The following RASAL2 variants were observed in gnomAD, a reference collection of about 807,000 sequenced individuals.
The protein encoded by RASAL2 is ras GTPase-activating protein nGAP.
RASAL2 carries 58 observed loss-of-function variants against 128.9 expected under a neutral mutation model. The ratio of observed to expected loss-of-function variants is 0.45; its 90% confidence interval spans 0.36 to 0.56. The LOEUF (loss-of-function observed/expected upper bound fraction) is 0.56, where lower values mean the gene tolerates loss of function less well. RASAL2 is among the 20% of genes least tolerant of loss of function. The probability of loss-of-function intolerance (pLI) is 0.00; values close to 1 mark genes in which losing one functional copy is unlikely to be tolerated. For synonymous variants in RASAL2, 561 were observed against 580.8 expected (o/e 0.97, Z 0.49); for missense variants, 1,360 against 1,601.6 (o/e 0.85, Z 2.57).
intron 1 of RASAL2, among the ~76,000 whole-genome samples, chr1:178,207,925 C>T (rs563266686): frequency 2.0e-5 from 3 of 152,314 alleles, no homozygotes; most frequent in South Asian, 2.1e-4. Flanking sequence ...GGACCCCAAA[C>T]GGACTGGCTG....
intron 1 of RASAL2, among the ~76,000 whole-genome samples, chr1:178,164,305 CAT>C (rs1661436558): frequency 6.6e-6 from 1 of 152,084 alleles, no homozygotes; most frequent in Admixed American, 6.6e-5. Context: ...CCAATTATAA[CAT>C]GTTATTTCCA....
intron 2 of RASAL2, among the ~76,000 whole-genome samples, chr1:178,284,489 G>A (rs552666470): frequency 6.6e-6 from 1 of 152,210 alleles, no homozygotes; most frequent in Non-Finnish European, 1.5e-5. Context: ...TAGATCTGGC[G>A]AGGTAGACAG....
At chr1:178,113,242 T>C (rs974741368) in intron 1 of RASAL2, among the ~76,000 whole-genome samples, 2 of 152,162 alleles carry the variant, frequency 1.3e-5, no homozygotes, top group South Asian at 2.1e-4. Context: ...TTGATTACTA[T>C]AGATTAATGA....
chr1:178,410,672 A>G (rs1674304476), intron 4 of RASAL2, among the ~76,000 whole-genome samples: 1 of 149,544 alleles, frequency 6.7e-6, no homozygotes, highest in Non-Finnish European at 1.5e-5. Flanking sequence ...ACAAATCAAG[A>G]AAAAAAAAAC....
At chr1:178,401,064 A>G (rs2102655194) in intron 4 of RASAL2, among the ~76,000 whole-genome samples, 1 of 152,260 alleles carries the variant, frequency 6.6e-6, no homozygotes, top group East Asian at 1.9e-4. Flanking sequence ...AGTCAAAATA[A>G]TTTAGAAACC....
At chr1:178,197,100 G>T (rs1662682163) in intron 1 of RASAL2, among the ~76,000 whole-genome samples, 1 of 152,166 alleles carries the variant, frequency 6.6e-6, no homozygotes, top group African/African-American at 2.4e-5. Context: ...GATCACTTGA[G>T]TTCAGGAGTT....
chr1:178,266,479 T>A (rs1394340719), intron 1 of RASAL2, among the ~76,000 whole-genome samples: 1 of 152,242 alleles, frequency 6.6e-6, no homozygotes, highest in Non-Finnish European at 1.5e-5. Context: ...TGGACAGCCT[T>A]ATTCATTTTG....
At chr1:178,122,081 G>C (rs1015828306) in intron 1 of RASAL2, among the ~76,000 whole-genome samples, 1 of 151,994 alleles carries the variant, frequency 6.6e-6, no homozygotes, top group Non-Finnish European at 1.5e-5. Flanking sequence ...TCTGTATCTT[G>C]AAAACAAAGG....
intron 3 of RASAL2, among the ~76,000 whole-genome samples, chr1:178,301,872 T>A (rs964804783): frequency 1.3e-5 from 2 of 152,170 alleles, no homozygotes; most frequent in African/African-American, 4.8e-5. Context: ...TATAGGAAAT[T>A]GTTAAATATC....
chr1:178,283,716 G>GTTA (rs1666895321), intron 2 of RASAL2, 25 bp downstream of exon 2: 1 of 1,605,910 alleles, frequency 6.2e-7, no homozygotes, highest in African/African-American at 1.3e-5. Flanking sequence ...ATTCAGGAAA[G>GTTA]TTAGTTTCCT....
chr1:178,476,752 C>T lies in RASAL2; in HGVS notation c.*3513C>T, dbSNP rs577965001. ...TTTTCAGATCTTAGTCTACCCGGGG[C>T]CTTTGTTGATGGGTCTGTGGTTCTG... On this transcript the variant is annotated 3_prime_UTR_variant, in exon 18 of 18. Transcript: ENST00000367649. 6.6e-6 allele frequency: 1 copy of T among 152,176 alleles called. No homozygotes were observed. Among genetic ancestry groups the T allele is most frequent in the East Asian group, 1.9e-4 (1 of 5,180 alleles). 9.4% of individuals were successfully genotyped at this position (152,176 alleles called of 1,614,324 possible). A position where few individuals can be genotyped will look rare whatever the true frequency, so the allele number is the denominator to read the frequency against.
At chr1:178,281,199 A>G (rs375310297) in intron 1 of RASAL2, among the ~76,000 whole-genome samples, 8 of 152,090 alleles carry the variant, frequency 5.3e-5, no homozygotes, top group African/African-American at 1.9e-4. Context: ...TGTAAAATCT[A>G]TAGGATGGCT....
At chr1:178,407,190 T>A (rs1316534943) in intron 4 of RASAL2, among the ~76,000 whole-genome samples, 1 of 152,222 alleles carries the variant, frequency 6.6e-6, no homozygotes, top group Non-Finnish European at 1.5e-5. Flanking sequence ...ACTTTGCAAC[T>A]ATTTCTTGTT....
intron 1 of RASAL2, among the ~76,000 whole-genome samples, chr1:178,164,820 C>T (rs948639699): frequency 8.4e-5 from 8 of 95,288 alleles, no homozygotes; most frequent in African/African-American, 1.7e-4. Flanking sequence ...GTTCATCAAA[C>T]GTTTGTGTGT....
intron 3 of RASAL2, among the ~76,000 whole-genome samples, chr1:178,378,794 G>A (rs1392965475): frequency 6.6e-6 from 1 of 152,118 alleles, no homozygotes; most frequent in African/African-American, 2.4e-5. Context: ...TAAATGAAAT[G>A]TGTAGTCTTT....
chr1:178,209,016 A>G (rs1663163814), intron 1 of RASAL2, among the ~76,000 whole-genome samples: 1 of 151,938 alleles, frequency 6.6e-6, no homozygotes, highest in Non-Finnish European at 1.5e-5. Context: ...TACTTTGGTT[A>G]TATTTCTTTT....
At chr1:178,395,310 A>G (rs1171338693) in intron 4 of RASAL2, among the ~76,000 whole-genome samples, 1 of 152,186 alleles carries the variant, frequency 6.6e-6, no homozygotes, top group Non-Finnish European at 1.5e-5. Context: ...TTGATAAAAT[A>G]TTAGGAACTC....
chr1:178,194,293 A>G (rs559374855), intron 1 of RASAL2: 1 of 220,202 alleles, frequency 4.5e-6, no homozygotes, highest in Non-Finnish European at 9.9e-6. Flanking sequence ...GTCATGAATT[A>G]AAGTATTTTA....
chr1:178,289,033 T>C lies in RASAL2; in HGVS notation c.330+5342T>C, dbSNP rs1009014871. On this transcript the variant is annotated intron_variant, in intron 2 of 17. Coordinates refer to ENST00000367649, the MANE Select transcript of RASAL2 (RefSeq NM_170692.4). ...CCACCCCTTTCTCTTCTCTCCTTTA[T>C]AACACAAATTCTCAAAACTTCTATG... 2.6e-4 allele frequency among the ~76,000 whole-genome samples: 39 copies of C among 152,192 alleles called. 1 individual carries two copies. The highest frequency in any genetic ancestry group is 8.4e-4 in the African/African-American group (35 of 41,432).
Sources: gnomAD v4.1 joint callset for allele counts (sites outside exome capture counted in the v4.1 genomes callset) on GRCh38, gnomAD v4.1.1 for gene constraint, MANE v1.5 for transcripts, NCBI Gene and HGNC (gene_info 2026-07-23, HGNC 2026-07-21) for gene names.